SLC25A30: variants seen among roughly 807,000 people sequenced by gnomAD.
SLC25A30 encodes the protein solute carrier family 25 member 30, also known as kidney mitochondrial carrier protein 1.
SLC25A30 carries 29 observed loss-of-function variants against 42.7 expected under a neutral mutation model. The ratio of observed to expected loss-of-function variants is 0.68; its 90% CI spans 0.51 to 0.93. The LOEUF (loss-of-function observed/expected upper bound fraction) is 0.93. SLC25A30 is among the 40% of genes least tolerant of loss of function. The pLI is 0.00. For synonymous variants in SLC25A30, 124 were observed against 131.0 expected (o/e 0.95, Z 0.37); for missense variants, 300 against 359.7 (o/e 0.83, Z 1.34).
chr13:45,404,945 T>C (rs994467590), intron 4 of SLC25A30, among the ~76,000 whole-genome samples: 1 of 152,236 alleles, frequency 6.6e-6, no homozygotes, highest in African/African-American at 2.4e-5. Flanking sequence ...TCTCTTGAGA[T>C]AGGGTCTCAC....
the SLC25A30 span, among the ~76,000 whole-genome samples, chr13:45,424,552 A>T: frequency 3.7e-4 from 13 of 35,232 alleles, no homozygotes; most frequent in South Asian, 1.2e-3. Flanking sequence ...TAAATATATA[A>T]ATATATATAA....
chr13:45,411,014 A>G (rs190862663), intron 2 of SLC25A30, among the ~76,000 whole-genome samples: 155 of 152,102 alleles, frequency 1.0e-3, no homozygotes, highest in African/African-American at 3.7e-3. Context: ...CACATGGCTC[A>G]CTGCAGCCTC....
intron 8 of SLC25A30, 72 bp downstream of exon 8, chr13:45,398,868 A>T (rs1374598466): frequency 6.5e-7 from 1 of 1,531,474 alleles, no homozygotes; most frequent in East Asian, 2.3e-5. Flanking sequence ...AGTAGCTTTC[A>T]TAATTTAGTT....
chr13:45,401,032 T>A, intron 7 of SLC25A30, 51 bp downstream of exon 7: 1 of 1,472,088 alleles, frequency 6.8e-7, no homozygotes, highest in Non-Finnish European at 9.2e-7. Flanking sequence ...ACTTTTATAA[T>A]AAACTTTCTT....
At position 45,411,377 on chromosome 13, in the gene SLC25A30, T is replaced by C. The variant is rs1215573274; in HGVS notation, c.49A>G (p.Ile17Val). ...KPFVYGGLAS[I>V]TAECGTFPID... ...AGGTCCTTACCGCACTCAGCAGTGA[T>C]GGAGGCCAGCCCCCCGTACACAAAC... The change falls in exon 2 of 10, where the codon ATC becomes GTC. Residue 17 changes from isoleucine (I) to valine (V), a missense_variant. Ile to Val is a conservative substitution (Grantham distance 29). Coordinates refer to ENST00000519676, the MANE Select transcript of SLC25A30 (RefSeq NM_001010875.4). 4 of 1,614,028 alleles carry C rather than the reference T, an allele frequency of 2.5e-6. No homozygotes were observed. Among genetic ancestry groups the C allele is most frequent in the Admixed American group, 1.7e-5 (1 of 60,026 alleles).
upstream of SLC25A30, among the ~76,000 whole-genome samples, chr13:45,420,779 CA>C (rs1381605310): frequency 6.6e-6 from 1 of 152,148 alleles, no homozygotes; most frequent in African/African-American, 2.4e-5. Context: ...CAGCTCACTG[CA>C]GCCTCGAACT....
At chr13:45,400,027 T>TAG (rs1226863696) in intron 7 of SLC25A30, among the ~76,000 whole-genome samples, 1 of 124,350 alleles carries the variant, frequency 8.0e-6, no homozygotes, top group Non-Finnish European at 1.7e-5. Context: ...TATATATATA[T>TAG]ATATATACAC....
At chr13:45,427,715 A>G in the SLC25A30 span, among the ~76,000 whole-genome samples, 3 of 103,402 alleles carry the variant, frequency 2.9e-5, no homozygotes, top group Admixed American at 2.7e-4. Flanking sequence ...GCAAAAGGGA[A>G]GTTTTCCCTT....
At chr13:45,397,883 T>C in intron 8 of SLC25A30, 1 of 985,496 alleles carries the variant, frequency 1.0e-6, no homozygotes, top group Non-Finnish European at 1.2e-6. Flanking sequence ...TAAACACTGT[T>C]GAGTGAGGAA....
intron 5 of SLC25A30, 23 bp downstream of exon 5, chr13:45,404,304 A>G (rs749825205): frequency 2.6e-6 from 4 of 1,535,036 alleles, no homozygotes; most frequent in Non-Finnish European, 2.7e-6. Context: ...ATGTGCCTAT[A>G]AGATATAGAT....
chr13:45,403,831 G>C (rs574641420), intron 5 of SLC25A30, among the ~76,000 whole-genome samples: 4 of 151,992 alleles, frequency 2.6e-5, no homozygotes, highest in African/African-American at 9.6e-5. Flanking sequence ...AGCTACTCAG[G>C]AGGCTAAGGC....
chr13:45,425,325 T>C, the SLC25A30 span, among the ~76,000 whole-genome samples: 5 of 108,796 alleles, frequency 4.6e-5, no homozygotes, highest in African/African-American at 1.9e-4. Flanking sequence ...TATGTATATG[T>C]AACTATATAT....
In SLC25A30 at chr13:45,394,457, A is replaced by G. The variant is rs1881169894; in HGVS notation, c.*1517T>C. 1.0e-6 allele frequency: 1 copy of G among 985,436 alleles called. No individual in the cohort carries two copies. Among genetic ancestry groups the G allele is most frequent in the South Asian group, 4.7e-5 (1 of 21,288 alleles). 61.0% of individuals were successfully genotyped at this position (985,436 alleles called of 1,614,324 possible). A position where few individuals can be genotyped will look rare whatever the true frequency, so the allele number is the denominator to read the frequency against. On this transcript the variant is annotated 3_prime_UTR_variant, in exon 10 of 10. Transcript: ENST00000519676. The stretch of plus-strand genomic sequence containing the variant: ...CTGGCCAGACTGGGAATTTGGCCGC[A>G]CTACTGTGGAAGGAGAATGCCCTGG...
Position 45,395,121 on chromosome 13 carries a change from G to A in SLC25A30, c.*853C>T, listed in dbSNP as rs1881213162. 1 of 985,334 alleles carries A rather than the reference G, an allele frequency of 1.0e-6. No homozygotes were observed. The highest frequency in any genetic ancestry group is 1.1e-4 in the East Asian group (1 of 8,836). The allele number at this position is 985,334 out of a possible 1,614,324, so 61.0% of individuals were successfully genotyped here. ...TTACCTTTCCAGTCAAGTAGCAGCA[G>A]CTACTATTTGTTCTTCATTTGACCC... On this transcript the variant is annotated 3_prime_UTR_variant, in exon 10 of 10. Transcript: ENST00000519676.
In SLC25A30 at chr13:45,394,592, G is replaced by A; in HGVS notation, c.*1382C>T. The A allele has an allele frequency of 1.0e-6, 1 of 985,356 alleles. No individual in the cohort carries two copies. The highest frequency in any genetic ancestry group is 1.2e-6 in the Non-Finnish European group (1 of 829,934). The allele number at this position is 985,356 out of a possible 1,614,324, so 61.0% of individuals were successfully genotyped here. ...CCTCCCAGAAGTGGAAGTTCTTGGG[G>A]TTCTCACAGTCATCTTTTATTTTGA... On this transcript the variant is annotated 3_prime_UTR_variant, in exon 10 of 10. Coordinates refer to ENST00000519676, the MANE Select transcript of SLC25A30 (RefSeq NM_001010875.4).
chr13:45,424,817 AATATATAAAAATAT>A, the SLC25A30 span, among the ~76,000 whole-genome samples: 11 of 60,240 alleles, frequency 1.8e-4, 1 homozygote, highest in East Asian at 2.5e-3. Context: ...AAAAAATATA[AATATATAAAAATAT>A]ATATATAAAA....
rs1449391273 is a variant in SLC25A30, at chr13:45,410,375, T to C, written c.64+987A>G. Among the ~76,000 whole-genome samples the C allele has an allele frequency of 2.0e-5, 3 of 152,188 alleles. No individual in the cohort carries two copies. In the East Asian group the frequency reaches 5.8e-4, roughly 29 times the overall value. ...ACGGACAGACACAATCCAAAAATGA[T>C]TCATAAAACTTGTGTTTGAGGCTGA... On this transcript the variant is annotated intron_variant, in intron 2 of 9. Transcript: ENST00000519676.
In SLC25A30 at chr13:45,402,710, A is replaced by C. The variant is rs181699103; in HGVS notation, c.394-340T>G. The C allele has an allele frequency of 2.3e-5, 21 of 926,818 alleles. No homozygotes were observed. The African/African-American group carries it at 3.7e-4, about 17-fold the overall frequency. 57.4% of individuals were successfully genotyped at this position (926,818 alleles called of 1,614,324 possible). On this transcript the variant is annotated intron_variant, in intron 5 of 9. Transcript: ENST00000519676. ...TCCCTACTACTATATAGGTGAGAGA[A>C]AAGTTAATTTCAAAGGTTTAATCTA...
chr13:45,399,955 C>G (rs1881764004), intron 7 of SLC25A30, among the ~76,000 whole-genome samples: 1 of 149,970 alleles, frequency 6.7e-6, no homozygotes, highest in South Asian at 2.1e-4. Flanking sequence ...TAGTATTCCC[C>G]CCTGGTTGTG....
Sources: allele counts gnomAD v4.1 joint callset (sites outside exome capture counted in the v4.1 genomes callset), GRCh38; gene constraint gnomAD v4.1.1; transcripts MANE v1.5; gene names NCBI Gene and HGNC (gene_info 2026-07-23, HGNC 2026-07-21).